SSTR2: variants seen among roughly 807,000 people sequenced by gnomAD.
The protein encoded by SSTR2 is somatostatin receptor type 2.
SSTR2 carries 10 observed loss-of-function variants against 21.4 expected under a neutral mutation model. The ratio of observed to expected loss-of-function variants is 0.47; its 90% CI spans 0.29 to 0.79. The LOEUF is 0.79. Among genes scored for constraint, SSTR2 ranks in the 30% least tolerant of loss-of-function variants. The probability of loss-of-function intolerance (pLI) is 0.10; values close to 1 mark genes in which losing one functional copy is unlikely to be tolerated. For missense variants in SSTR2, 364 were observed against 468.8 expected (o/e 0.78, Z 2.06); for synonymous variants, 177 against 181.3 (o/e 0.98, Z 0.19).
At chr17:73,167,381 A>T (rs544478591) in intron 1 of SSTR2, among the ~76,000 whole-genome samples, 214 of 152,326 alleles carry the variant, frequency 1.4e-3, no homozygotes, top group Non-Finnish European at 1.9e-3. Flanking sequence ...AATCAATCAG[A>T]AGCAAAGGTG....
At chr17:73,165,944 C>CT (rs998080159) in intron 1 of SSTR2, among the ~76,000 whole-genome samples, 2 of 145,502 alleles carry the variant, frequency 1.4e-5, no homozygotes, top group African/African-American at 2.8e-5. Context: ...TCCTCAGCGC[C>CT]CCCCCCCCAC....
intron 1 of SSTR2, among the ~76,000 whole-genome samples, chr17:73,166,182 C>G (rs924128263): frequency 2.0e-5 from 3 of 152,262 alleles, no homozygotes; most frequent in African/African-American, 7.2e-5. Context: ...CAGCACCGCC[C>G]CGGCTTTTCC....
At position 73,170,169 on chromosome 17, in the gene SSTR2, A is replaced by G. The variant is rs2061229452; in HGVS notation, c.850A>G (p.Ile284Val). The G allele has an allele frequency of 1.9e-6, 3 of 1,614,112 alleles. No individual in the cohort carries two copies. Among genetic ancestry groups the G allele is most frequent in the Non-Finnish European group, 1.7e-6 (2 of 1,180,010 alleles). ...IFNVSSVSMA[I>V]SPTPALKGMF... ...CAACGTTTCTTCCGTCTCCATGGCC[A>G]TCAGCCCCACCCCAGCCCTTAAAGG... Residue 284 changes from isoleucine to valine, a missense_variant, in exon 2 of 2, where the codon ATC becomes GTC. Physicochemically the swap from Ile to Val is conservative, Grantham distance 29. This residue lies in a region of SSTR2 where 193 missense variants were observed against 273.1 expected (regional missense o/e 0.71). Transcript: ENST00000357585.
rs1348581675 is a variant in SSTR2 at position 73,169,808 on chromosome 17, C to T, written c.489C>T (p.Thr163=). The change falls in exon 2 of 2, where the codon ACC becomes ACT. Residue 163 remains threonine (T), a synonymous_variant. Transcript: ENST00000357585. This position sits in a 1 kb window ranked among gnomAD's most constrained non-coding sequence, Gnocchi z 5.2. ...WRRPRTAKMI[T]MAVWGVSLLV... ...GACCCCGGACGGCCAAGATGATCAC[C>T]ATGGCTGTGTGGGGAGTCTCTCTGC... is the stretch of plus-strand genomic sequence containing the variant. The T allele has an allele frequency of 6.2e-7, 1 of 1,614,230 alleles. No individual in the cohort carries two copies.
rs2061233145 is a variant in SSTR2, at chr17:73,170,912, G to A, written c.*483G>A. On this transcript the variant is annotated 3_prime_UTR_variant, in exon 2 of 2. Coordinates refer to ENST00000357585, the MANE Select transcript of SSTR2 (RefSeq NM_001050.3). ...CATTTGCCACAACACACTGCCCGCA[G>A]AAATGGACTTACCGTGAAGCCAATA... 8.0e-6 allele frequency: 3 copies of A among 373,656 alleles called. No individual in the cohort carries two copies. The highest frequency in any genetic ancestry group is 2.1e-5 in the African/African-American group (1 of 46,822). 23.1% of individuals were successfully genotyped at this position (373,656 alleles called of 1,614,324 possible). A position where few individuals can be genotyped will look rare whatever the true frequency, so the allele number is the denominator to read the frequency against.
At chr17:73,167,557 C>T (rs1599308158) in intron 1 of SSTR2, among the ~76,000 whole-genome samples, 1 of 152,248 alleles carries the variant, frequency 6.6e-6, no homozygotes, top group Non-Finnish European at 1.5e-5. Context: ...CTGCTGAACA[C>T]ACCACCCTTT....
chr17:73,165,891 C>G (rs2061214362), intron 1 of SSTR2, among the ~76,000 whole-genome samples: 1 of 151,368 alleles, frequency 6.6e-6, no homozygotes, highest in Non-Finnish European at 1.5e-5. Flanking sequence ...AAGCCGCTGG[C>G]CAAGTCCCCC....
chr17:73,167,178 A>G (rs773447567), intron 1 of SSTR2, among the ~76,000 whole-genome samples: 24 of 152,202 alleles, frequency 1.6e-4, no homozygotes, highest in Non-Finnish European at 3.1e-4. Flanking sequence ...AGGGATACTA[A>G]CCACAGTTTC....
chr17:73,169,281 C>A lies in SSTR2; in HGVS notation c.-39C>A. 1 of 1,585,074 alleles carries A rather than the reference C, an allele frequency of 6.3e-7. No individual in the cohort carries two copies. Among genetic ancestry groups the A allele is most frequent in the South Asian group, 1.2e-5 (1 of 86,638 alleles). On this transcript the variant is annotated 5_prime_UTR_variant, in exon 2 of 2. It adds an upstream start codon to the 5' untranslated region. Coordinates refer to ENST00000357585, the MANE Select transcript of SSTR2 (RefSeq NM_001050.3). This position sits in a 1 kb window ranked among gnomAD's most constrained non-coding sequence, Gnocchi z 5.2. ...GTCCATTAAGGTGAGAATAAGATCT[C>A]TGGGCTGGCTGGAACTAGCCTAAGA...
intron 1 of SSTR2, among the ~76,000 whole-genome samples, chr17:73,168,630 C>T (rs1010230537): frequency 6.6e-6 from 1 of 152,104 alleles, no homozygotes; most frequent in East Asian, 1.9e-4. Context: ...ATTATGAGCC[C>T]AACGCAAGGC....
Position 73,171,411 on chromosome 17 carries a change from T to C in SSTR2, c.*982T>C, listed in dbSNP as rs2061234705. 1.2e-5 allele frequency: 2 copies of C among 167,012 alleles called. No homozygotes were observed. The highest frequency in any genetic ancestry group is 2.9e-5 in the Non-Finnish European group (2 of 68,122). 10.3% of individuals were successfully genotyped at this position (167,012 alleles called of 1,614,324 possible). A position where few individuals can be genotyped will look rare whatever the true frequency, so the allele number is the denominator to read the frequency against. ...AATCACTAACATGAAAGGCAAAAAATGGACTATGATTCCTGTGGGGAAACA... is the reference window on the plus strand; with the variant it reads ...AATCACTAACATGAAAGGCAAAAAACGGACTATGATTCCTGTGGGGAAACA... On this transcript the variant is annotated 3_prime_UTR_variant, in exon 2 of 2. Coordinates refer to ENST00000357585, the MANE Select transcript of SSTR2 (RefSeq NM_001050.3).
Position 73,170,438 on chromosome 17 carries a change from G to C in SSTR2, c.*9G>C, listed in dbSNP as rs749610233. ...TCCAAACCAGTATCTGAACTGCTTG[G>C]GGGGTGGGAAAGAACCAAGCCATGC... On this transcript the variant is annotated 3_prime_UTR_variant, in exon 2 of 2. Coordinates refer to ENST00000357585, the MANE Select transcript of SSTR2 (RefSeq NM_001050.3). 3.1e-6 allele frequency: 5 copies of C among 1,608,446 alleles called. No homozygotes were observed. The highest frequency in any genetic ancestry group is 1.3e-5 in the African/African-American group (1 of 74,804).
rs2061228515 is a variant in SSTR2, at chr17:73,169,953, A to G, written c.634A>G (p.Thr212Ala). 1 of 1,606,484 alleles carries G rather than the reference A, an allele frequency of 6.2e-7. No homozygotes were observed. The highest frequency in any genetic ancestry group is 8.5e-7 in the Non-Finnish European group (1 of 1,175,274). ...TTGGTACACAGGGTTCATCATCTAC[A>G]CTTTCATTCTGGGGTTCCTGGTACC... ...GAWYTGFIIY[T>A]FILGFLVPLT... is the part of the protein sequence containing the mutation. The change falls in exon 2 of 2, where the codon ACT becomes GCT. Residue 212 changes from threonine (T) to alanine (A), a missense_variant. Physicochemically the swap from Thr to Ala is moderately conservative, Grantham distance 58. Coordinates refer to ENST00000357585, the MANE Select transcript of SSTR2 (RefSeq NM_001050.3). This position sits in a 1 kb window ranked among gnomAD's most constrained non-coding sequence, Gnocchi z 5.2.
At chr17:73,165,873 G>A (rs1192950411) in intron 1 of SSTR2, among the ~76,000 whole-genome samples, 2 of 151,084 alleles carry the variant, frequency 1.3e-5, no homozygotes, top group African/African-American at 2.4e-5. Flanking sequence ...TGCATAGGCC[G>A]TGCCCAAAAG....
chr17:73,167,033 A>G (rs947840905), intron 1 of SSTR2, among the ~76,000 whole-genome samples: 1 of 152,174 alleles, frequency 6.6e-6, no homozygotes, highest in African/African-American at 2.4e-5. Flanking sequence ...TTCATGTTAT[A>G]TAGATGGGCC....
Position 73,169,688 on chromosome 17 carries a change from C to T in SSTR2, c.369C>T (p.Gly123=), listed in dbSNP as rs1187952817. 6.2e-7 allele frequency: 1 copy of T among 1,614,136 alleles called. No homozygotes were observed. The highest frequency in any genetic ancestry group is 1.3e-5 in the African/African-American group (1 of 74,948). ...GCCGGGTGGTCATGACTGTGGATGG[C>T]ATCAATCAGTTCACCAGCATCTTCT... ...AICRVVMTVD[G]INQFTSIFCL... The change falls in exon 2 of 2, where the codon GGC becomes GGT. Residue 123 remains glycine, a synonymous_variant. Transcript: ENST00000357585. The surrounding 1 kb of genome is among the most constrained non-coding windows in gnomAD (Gnocchi z 5.2).
rs1298398892 is a variant in SSTR2, at chr17:73,167,718, C to T, written c.-92-1510C>T. 5.9e-5 allele frequency among the ~76,000 whole-genome samples: 9 copies of T among 152,200 alleles called. 1 individual carries two copies. The highest frequency in any genetic ancestry group is 6.5e-5 in the Admixed American group (1 of 15,272). On this transcript the variant is annotated intron_variant, in intron 1 of 1. Transcript: ENST00000357585. ...ATTCTTAAGTCCTTCATTTATCTCT[C>T]GTGCAATGCCCACCCTATATGAGCT...
At position 73,169,393 on chromosome 17, in the gene SSTR2, T is replaced by C. The variant is rs750119483; in HGVS notation, c.74T>C (p.Val25Ala). ...LSIPFDLNGS[V>A]VSTNTSNQTE... Reference sequence around the variant, plus strand: ...ATTCCATTTGACCTCAATGGCTCTGTGGTGTCAACCAACACCTCAAACCAG... The same window carrying C: ...ATTCCATTTGACCTCAATGGCTCTGCGGTGTCAACCAACACCTCAAACCAG... The change falls in exon 2 of 2, where the codon GTG (valine) becomes GCG (alanine). Residue 25 changes from valine (V) to alanine (A), a missense_variant. Coordinates refer to ENST00000357585, the MANE Select transcript of SSTR2 (RefSeq NM_001050.3). The surrounding 1 kb of genome is among the most constrained non-coding windows in gnomAD (Gnocchi z 5.2). 5.6e-6 allele frequency: 9 copies of C among 1,614,212 alleles called. No individual in the cohort carries two copies. Among genetic ancestry groups the C allele is most frequent in the Non-Finnish European group, 7.6e-6 (9 of 1,180,024 alleles).
In SSTR2 at chr17:73,175,246, T is replaced by C. The variant is rs2061245806; in HGVS notation, c.*4817T>C. ...TAAACCTTTACCTAAGTGCTTGTTT[T>C]GCTTTTAATATGTGAATTTCTGGGA... On this transcript the variant is annotated 3_prime_UTR_variant, in exon 2 of 2. Coordinates refer to ENST00000357585, the MANE Select transcript of SSTR2 (RefSeq NM_001050.3). 1.3e-5 allele frequency: 2 copies of C among 152,128 alleles called. No homozygotes were observed. Among genetic ancestry groups the C allele is most frequent in the Non-Finnish European group, 1.5e-5 (1 of 68,026 alleles). 9.4% of individuals were successfully genotyped at this position (152,128 alleles called of 1,614,324 possible).
Sources: allele counts gnomAD v4.1 joint callset (sites outside exome capture counted in the v4.1 genomes callset), GRCh38; gene constraint gnomAD v4.1.1; regional missense constraint gnomAD v4.1.1; non-coding constraint Gnocchi (gnomAD v3.1); transcripts MANE v1.5; gene names NCBI Gene and HGNC (gene_info 2026-07-23, HGNC 2026-07-21).